The following RSBN1L variants were observed in gnomAD, a reference collection of about 807,000 sequenced individuals.
The protein encoded by RSBN1L is round spermatid basic protein 1 like.
RSBN1L carries 30 observed loss-of-function variants against 67.7 expected under a neutral mutation model. The observed-to-expected ratio is 0.44, with a 90% CI of 0.33 to 0.60. The LOEUF is 0.60. Ranked by LOEUF, RSBN1L falls within the 20% of genes least tolerant of loss-of-function variation. The pLI, the probability that RSBN1L is intolerant of heterozygous loss-of-function variation, is 0.02. For missense variants in RSBN1L, 992 were observed against 1,031.7 expected (o/e 0.96, Z 0.53); for synonymous variants, 433 against 387.0 (o/e 1.12, Z -1.39).
At position 77,726,774 on chromosome 7, in the gene RSBN1L, T is replaced by TG. The variant is rs1374762711; in HGVS notation, c.587-9636_587-9635insG. On this transcript the variant is annotated intron_variant, in intron 1 of 7. Coordinates refer to ENST00000334955, the MANE Select transcript of RSBN1L (RefSeq NM_198467.3). Reference sequence around the variant, plus strand: ...ACAGGCGCGTGCCACCACACCCAGCTAATTTTTTTTTTTTTTTTTTTTTGA... The same window carrying TG: ...ACAGGCGCGTGCCACCACACCCAGCTGAATTTTTTTTTTTTTTTTTTTTTGA... Among the ~76,000 whole-genome samples the TG allele has an allele frequency of 3.1e-5, 3 of 95,360 alleles. No homozygotes were observed. The Admixed American group carries it at 3.2e-4, about 10-fold the overall frequency. The allele number at this position is 95,360 out of a possible 152,430, so 62.6% of individuals were successfully genotyped here. A position where few individuals can be genotyped will look rare whatever the true frequency, so the allele number is the denominator to read the frequency against.
chr7:77,762,896 G>A (rs1475848352), intron 3 of RSBN1L, among the ~76,000 whole-genome samples: 1 of 151,668 alleles, frequency 6.6e-6, no homozygotes, highest in Admixed American at 6.6e-5. Flanking sequence ...GTTGTGCTTC[G>A]TATTTTAGAA....
chr7:77,758,211 T>G (rs990279024), intron 3 of RSBN1L, among the ~76,000 whole-genome samples: 2 of 152,204 alleles, frequency 1.3e-5, no homozygotes, highest in African/African-American at 4.8e-5. Flanking sequence ...CAGGATGGAG[T>G]GCAGTGGTGC....
At chr7:77,755,816 A>G (rs909256402) in intron 3 of RSBN1L, among the ~76,000 whole-genome samples, 3 of 152,196 alleles carry the variant, frequency 2.0e-5, no homozygotes. Context: ...TCAAAAAATT[A>G]TGAGTTGAAC....
chr7:77,709,025 A>G (rs983181225), intron 1 of RSBN1L, among the ~76,000 whole-genome samples: 5 of 152,196 alleles, frequency 3.3e-5, no homozygotes, highest in African/African-American at 1.2e-4. Flanking sequence ...GAGTTGGCCC[A>G]CAGAACTGAG....
intron 1 of RSBN1L, among the ~76,000 whole-genome samples, chr7:77,706,234 G>C (rs1031997196): frequency 5.9e-5 from 9 of 151,936 alleles, no homozygotes; most frequent in Non-Finnish European, 1.2e-4. Flanking sequence ...CTGCCACTAC[G>C]TTGGGCTAAT....
rs1349775976 is a variant in RSBN1L, at chr7:77,745,133, T to C, written c.704-4291T>C. On this transcript the variant is annotated intron_variant, in intron 2 of 7. Coordinates refer to ENST00000334955, the MANE Select transcript of RSBN1L (RefSeq NM_198467.3). ...AAAATTAGCTGGTCATGTTGGCGCA[T>C]GCCTGTAATCCCAGCTACTTGGGAT... Among the ~76,000 whole-genome samples, 3 of 152,052 alleles carry C rather than the reference T, an allele frequency of 2.0e-5. No homozygotes were observed. The East Asian group carries it at 5.8e-4, about 29-fold the overall frequency.
chr7:77,767,587 C>G (rs1410224308), intron 4 of RSBN1L, among the ~76,000 whole-genome samples: 1 of 151,928 alleles, frequency 6.6e-6, no homozygotes, highest in Non-Finnish European at 1.5e-5. Flanking sequence ...GTTGCCCAGT[C>G]TGGTCTCAAA....
intron 1 of RSBN1L, among the ~76,000 whole-genome samples, chr7:77,715,507 C>A (rs777046604): frequency 7.9e-5 from 12 of 152,006 alleles, no homozygotes; most frequent in Non-Finnish European, 1.5e-4. Flanking sequence ...GGGGGGCTCA[C>A]CATGTTGGCC....
At position 77,780,330 on chromosome 7, in the gene RSBN1L, G is replaced by A. The variant is rs1289990415; in HGVS notation, c.*1162G>A. 1.3e-5 allele frequency: 2 copies of A among 152,106 alleles called. No homozygotes were observed. Among genetic ancestry groups the A allele is most frequent in the Non-Finnish European group, 2.9e-5 (2 of 68,026 alleles). The allele number at this position is 152,106 out of a possible 1,614,324, so 9.4% of individuals were successfully genotyped here. The stretch of plus-strand genomic sequence containing the variant: ...TTTATATTAAACTATTAAGAAAGCA[G>A]TTTAGGTAATAGAAACAGTTTTAGA... On this transcript the variant is annotated 3_prime_UTR_variant, in exon 8 of 8. Coordinates refer to ENST00000334955, the MANE Select transcript of RSBN1L (RefSeq NM_198467.3).
chr7:77,782,079 T>C lies in RSBN1L; in HGVS notation c.*2911T>C, dbSNP rs1459885786. ...TTAATGCCTTCAATAATGCTTACGT[T>C]CCTTGTCTTATGGGTTATAATTTTC... is the stretch of plus-strand genomic sequence containing the variant. On this transcript the variant is annotated 3_prime_UTR_variant, in exon 8 of 8. Coordinates refer to ENST00000334955, the MANE Select transcript of RSBN1L (RefSeq NM_198467.3). 4.6e-5 allele frequency: 7 copies of C among 152,126 alleles called. No individual in the cohort carries two copies. The East Asian group carries it at 1.3e-3, about 29-fold the overall frequency. The allele number at this position is 152,126 out of a possible 1,614,324, so 9.4% of individuals were successfully genotyped here.
intron 3 of RSBN1L, among the ~76,000 whole-genome samples, chr7:77,756,158 G>C (rs1791614371): frequency 6.6e-6 from 1 of 151,834 alleles, no homozygotes; most frequent in African/African-American, 2.4e-5. Context: ...TTGAGACAGA[G>C]TCTAGCTCTG....
chr7:77,701,051 G>C (rs182723798), intron 1 of RSBN1L, among the ~76,000 whole-genome samples: 86 of 151,528 alleles, frequency 5.7e-4, no homozygotes, highest in Admixed American at 5.1e-3. Flanking sequence ...TCAGCTACCT[G>C]GGAGGCTGAG....
rs1371436665 is a variant in RSBN1L, at chr7:77,696,706, C to T, written c.237C>T (p.Ser79=). The T allele has an allele frequency of 1.4e-5, 22 of 1,613,324 alleles. No individual in the cohort carries two copies. The highest frequency in any genetic ancestry group is 1.9e-5 in the Non-Finnish European group (22 of 1,179,788). ...CGCCGGCAGCACCTTCGCCTCAGAG[C>T]TATGGCAGCCCCGCGTCTTGGAGCT... ...LQPPAAPSPQ[S]YGSPASWSFA... is the part of the protein sequence containing the mutation. The change falls in exon 1 of 8, where the codon AGC becomes AGT. Residue 79 remains serine, a synonymous_variant. Transcript: ENST00000334955.
chr7:77,706,886 C>T (rs1294318261), intron 1 of RSBN1L, among the ~76,000 whole-genome samples: 1 of 151,958 alleles, frequency 6.6e-6, no homozygotes, highest in Non-Finnish European at 1.5e-5. Context: ...ATAAAAAAGC[C>T]CTGCCAGTTT....
rs1301501594 is a variant in RSBN1L, at chr7:77,782,937, G to A, written c.*3769G>A. On this transcript the variant is annotated 3_prime_UTR_variant, in exon 8 of 8. Coordinates refer to ENST00000334955, the MANE Select transcript of RSBN1L (RefSeq NM_198467.3). ...TATCTCAAAATTCATTTTACATTTA[G>A]CAAAGGTGCAACATTTGTTTTTGGA... is the stretch of plus-strand genomic sequence containing the variant. 4 of 152,084 alleles carry A rather than the reference G, an allele frequency of 2.6e-5. No homozygotes were observed. The highest frequency in any genetic ancestry group is 6.5e-5 in the Admixed American group (1 of 15,276). 9.4% of individuals were successfully genotyped at this position (152,084 alleles called of 1,614,324 possible). A position where few individuals can be genotyped will look rare whatever the true frequency, so the allele number is the denominator to read the frequency against.
At chr7:77,769,781 T>C (rs1412776303) in intron 5 of RSBN1L, among the ~76,000 whole-genome samples, 1 of 152,226 alleles carries the variant, frequency 6.6e-6, no homozygotes, top group African/African-American at 2.4e-5. Context: ...TTTTTATTCA[T>C]TATATTGGCA....
intron 4 of RSBN1L, among the ~76,000 whole-genome samples, chr7:77,767,363 G>C (rs1360508363): frequency 6.6e-6 from 1 of 150,608 alleles, no homozygotes; most frequent in Non-Finnish European, 1.5e-5. Flanking sequence ...CCCTCTCTCT[G>C]TCTTTTTTTG....
At chr7:77,726,761 C>G (rs1352487142) in intron 1 of RSBN1L, among the ~76,000 whole-genome samples, 1 of 149,306 alleles carries the variant, frequency 6.7e-6, no homozygotes, top group African/African-American at 2.5e-5. Flanking sequence ...AGGCGCGTGC[C>G]ACCACACCCA....
chr7:77,774,738 C>T (rs1791889883), intron 6 of RSBN1L, among the ~76,000 whole-genome samples: 3 of 152,166 alleles, frequency 2.0e-5, no homozygotes, highest in Admixed American at 6.5e-5. Flanking sequence ...AACTCCGTCC[C>T]ACCACCAACA....
Sources: gnomAD v4.1 joint callset for allele counts (sites outside exome capture counted in the v4.1 genomes callset) on GRCh38, gnomAD v4.1.1 for gene constraint, MANE v1.5 for transcripts, NCBI Gene and HGNC (gene_info 2026-07-23, HGNC 2026-07-21) for gene names.